Variants in TDRD10 observed in about 807,000 individuals in gnomAD.
TDRD10 encodes tudor domain-containing protein 10.
TDRD10 carries 40 observed loss-of-function variants against 48.0 expected under a neutral mutation model. The observed-to-expected ratio is 0.83, with a 90% CI of 0.65 to 1.09. The LOEUF is 1.09. Ranked by LOEUF, TDRD10 falls within the 50% of genes least tolerant of loss-of-function variation. The pLI is 0.00. For synonymous variants in TDRD10, 162 were observed against 170.4 expected (o/e 0.95, Z 0.38); for missense variants, 378 against 434.7 (o/e 0.87, Z 1.16).
Position 154,507,269 on chromosome 1 carries a change from T to G in TDRD10, c.31T>G (p.Ser11Ala), listed in dbSNP as rs1693197989. Residue 11 changes from serine (S) to alanine (A), a missense_variant, in exon 3 of 13, where the codon TCT becomes GCT. Around this residue, in one of 2 missense-constraint regions of TDRD10, gnomAD observed 310 missense variants for 323.6 expected, o/e 0.96. Coordinates refer to ENST00000368482, the MANE Select transcript of TDRD10 (RefSeq NM_182499.4). Reference protein sequence around the residue: MSWNISHPQLSDKLFGKNGVL... With the variant: MSWNISHPQLADKLFGKNGVL... ...CTGGAACATTAGTCACCCCCAACTCTCTGATAAACTGTTTGGGAAGAATGG... is the reference window on the plus strand; with the variant it reads ...CTGGAACATTAGTCACCCCCAACTCGCTGATAAACTGTTTGGGAAGAATGG... 1 of 1,613,990 alleles carries G rather than the reference T, an allele frequency of 6.2e-7. No individual in the cohort carries two copies. The highest frequency in any genetic ancestry group is 8.5e-7 in the Non-Finnish European group (1 of 1,180,054).
intron 2 of TDRD10, 34 bp downstream of exon 2, chr1:154,506,939 C>T (rs754809087): frequency 1.1e-5 from 17 of 1,614,078 alleles, no homozygotes; most frequent in Middle Eastern, 1.6e-4. Context: ...GAGCAAGCCT[C>T]GCTCCATCCC....
intron 6 of TDRD10, 98 bp downstream of exon 6, chr1:154,521,577 T>A: frequency 7.2e-7 from 1 of 1,392,680 alleles, no homozygotes; most frequent in Non-Finnish European, 9.8e-7. Flanking sequence ...TCCAGTCCAG[T>A]CTGACTGTGG....
intron 6 of TDRD10, among the ~76,000 whole-genome samples, chr1:154,530,586 C>G (rs1422078567): frequency 6.6e-6 from 1 of 151,882 alleles, no homozygotes; most frequent in African/African-American, 2.4e-5. Context: ...AATCTGTTGT[C>G]ATTCAAATGG....
In TDRD10 at chr1:154,545,100, G is replaced by A. The variant is rs1695477790; in HGVS notation, c.952+151G>A. ...CCCCAGTTTTCAGCATATGACCCCT[G>A]CAAAGCTGCCTCTCAAGTGTTGGTT... On this transcript the variant is annotated intron_variant, in intron 11 of 12. Transcript: ENST00000368482. 10 of 1,052,282 alleles carry A rather than the reference G, an allele frequency of 9.5e-6. No homozygotes were observed. In the South Asian group the frequency reaches 1.7e-4, roughly 18 times the overall value. The allele number at this position is 1,052,282 out of a possible 1,614,324, so 65.2% of individuals were successfully genotyped here. A position where few individuals can be genotyped will look rare whatever the true frequency, so the allele number is the denominator to read the frequency against.
chr1:154,505,017 A>G (rs1041930889), intron 1 of TDRD10, among the ~76,000 whole-genome samples: 9 of 152,200 alleles, frequency 5.9e-5, no homozygotes, highest in African/African-American at 2.2e-4. Flanking sequence ...ACAAAAAACT[A>G]CACAAATAGG....
rs753177917 is a variant in TDRD10, at chr1:154,544,784, T to A, written c.798-11T>A. 1 of 1,613,384 alleles carries A rather than the reference T, an allele frequency of 6.2e-7. No individual in the cohort carries two copies. On this transcript the variant is annotated splice_polypyrimidine_tract_variant and intron_variant, in intron 10 of 12. Coordinates refer to ENST00000368482, the MANE Select transcript of TDRD10 (RefSeq NM_182499.4). ...ATGATTGTCCTCTGTCTTTCTCTTT[T>A]CCTCTGCCAGGTGTTGGGTGCTGGA... is the stretch of plus-strand genomic sequence containing the variant.
At chr1:154,534,014 G>A (rs751997487) in intron 6 of TDRD10, among the ~76,000 whole-genome samples, 9 of 151,850 alleles carry the variant, frequency 5.9e-5, no homozygotes, top group East Asian at 1.9e-4. Flanking sequence ...GATTATAGGC[G>A]TGAGACCCCC....
intron 7 of TDRD10, among the ~76,000 whole-genome samples, chr1:154,542,317 T>G (rs1695288040): frequency 6.6e-6 from 1 of 152,210 alleles, no homozygotes; most frequent in Admixed American, 6.5e-5. Flanking sequence ...AGCCTCAAAC[T>G]CCTGGGCTCA....
At chr1:154,546,118 G>C (rs966842806) in intron 11 of TDRD10, among the ~76,000 whole-genome samples, 1 of 148,798 alleles carries the variant, frequency 6.7e-6, no homozygotes. Flanking sequence ...CTGTCGCCCA[G>C]GCTGGAGTGC....
chr1:154,534,842 AG>A (rs59409755), intron 6 of TDRD10, among the ~76,000 whole-genome samples: 19,810 of 152,254 alleles, frequency 0.13, 1,471 homozygotes, highest in South Asian at 0.18. Flanking sequence ...GGCAGTGTTC[AG>A]GTCAGCGTGG....
At chr1:154,514,440 A>C (rs1249704633) in intron 4 of TDRD10, among the ~76,000 whole-genome samples, 6 of 152,180 alleles carry the variant, frequency 3.9e-5, no homozygotes, top group Admixed American at 3.9e-4. Context: ...TCTGTAAGAC[A>C]CTGGTGAACA....
chr1:154,524,013 C>T (rs11265628), intron 6 of TDRD10, among the ~76,000 whole-genome samples: 76,895 of 151,978 alleles, frequency 0.51, 22,581 homozygotes, highest in East Asian at 0.76. Context: ...TTCATCTTTT[C>T]ACCTATTTTG....
intron 1 of TDRD10, 26 bp from the exon 2 acceptor site, chr1:154,506,851 C>G (rs1693179493): frequency 6.2e-7 from 1 of 1,600,792 alleles, no homozygotes; most frequent in African/African-American, 1.3e-5. Context: ...TGGCATTCCT[C>G]TAACTGTGGC....
intron 6 of TDRD10, among the ~76,000 whole-genome samples, chr1:154,540,026 C>G (rs908031708): frequency 2.6e-5 from 4 of 152,096 alleles, no homozygotes; most frequent in Non-Finnish European, 5.9e-5. Flanking sequence ...GAAGGGGCAT[C>G]CATTGGTACA....
intron 6 of TDRD10, among the ~76,000 whole-genome samples, chr1:154,522,131 C>T (rs1051321698): frequency 6.6e-6 from 1 of 152,052 alleles, no homozygotes; most frequent in African/African-American, 2.4e-5. Context: ...AACAAGTTAG[C>T]GATTTGTTTT....
At chr1:154,511,572 G>A (rs1235540079) in intron 4 of TDRD10, among the ~76,000 whole-genome samples, 9 of 151,730 alleles carry the variant, frequency 5.9e-5, no homozygotes, top group South Asian at 2.1e-4. Flanking sequence ...AAAATTGGCC[G>A]GGTGCAGTGG....
intron 6 of TDRD10, among the ~76,000 whole-genome samples, chr1:154,528,123 G>A (rs761512872): frequency 6.6e-6 from 1 of 152,004 alleles, no homozygotes; most frequent in East Asian, 1.9e-4. Context: ...GAGTGCAGTG[G>A]CTTCATGCCT....
intron 6 of TDRD10, among the ~76,000 whole-genome samples, chr1:154,540,563 G>A (rs554169874): frequency 6.6e-6 from 1 of 151,582 alleles, no homozygotes; most frequent in Admixed American, 6.5e-5. Flanking sequence ...AGCTAGGCTG[G>A]GGAGGGTCTG....
At chr1:154,529,581 T>G (rs754960680) in intron 6 of TDRD10, among the ~76,000 whole-genome samples, 2 of 151,970 alleles carry the variant, frequency 1.3e-5, no homozygotes, top group African/African-American at 4.8e-5. Context: ...GTTTTGTTCC[T>G]GTTGACCAGG....
Sources: allele counts gnomAD v4.1 joint callset (sites outside exome capture counted in the v4.1 genomes callset), GRCh38; gene constraint gnomAD v4.1.1; regional missense constraint gnomAD v4.1.1; transcripts MANE v1.5; gene names NCBI Gene and HGNC (gene_info 2026-07-23, HGNC 2026-07-21).